The following RIPOR2 variants were observed in gnomAD, a reference collection of about 807,000 sequenced individuals.
The protein encoded by RIPOR2 is rho family-interacting cell polarization regulator 2.
In RIPOR2, 39 loss-of-function variants were observed where a neutral mutation model predicts 114.5. That is an observed-to-expected ratio of 0.34 (90% CI 0.26 to 0.44). RIPOR2 has a LOEUF of 0.44. Ranked by LOEUF, RIPOR2 falls within the 20% of genes least tolerant of loss-of-function variation. RIPOR2 has a pLI of 1.00. For synonymous variants in RIPOR2, 445 were observed against 484.4 expected (o/e 0.92, Z 1.07); for missense variants, 1,007 against 1,255.1 (o/e 0.80, Z 2.99).
chr6:25,028,705 A>C (rs1776747371), intron 1 of RIPOR2, among the ~76,000 whole-genome samples: 1 of 152,272 alleles, frequency 6.6e-6, no homozygotes, highest in Non-Finnish European at 1.5e-5. Context: ...GGGATAGTAC[A>C]GATCCTTCTA....
chr6:24,808,028 A>T (rs530339924), intron 21 of RIPOR2, among the ~76,000 whole-genome samples: 25 of 152,346 alleles, frequency 1.6e-4, no homozygotes, highest in Admixed American at 5.9e-4. Context: ...TCCTTAAAAA[A>T]TCCTGATGCC....
chr6:25,026,780 G>C (rs1451726863), intron 1 of RIPOR2, among the ~76,000 whole-genome samples: 1 of 152,214 alleles, frequency 6.6e-6, no homozygotes, highest in Non-Finnish European at 1.5e-5. Flanking sequence ...GGAAAATCTT[G>C]GGACATATGG....
chr6:24,953,891 CCT>C (rs1772903781), intron 1 of RIPOR2, among the ~76,000 whole-genome samples: 1 of 97,706 alleles, frequency 1.0e-5, no homozygotes, highest in African/African-American at 2.8e-5. Flanking sequence ...TAAAGGCTCC[CCT>C]GTCATGTAAA....
intron 1 of RIPOR2, among the ~76,000 whole-genome samples, chr6:24,923,519 A>G (rs1405095643): frequency 2.6e-5 from 4 of 152,044 alleles, no homozygotes; most frequent in African/African-American, 9.7e-5. Context: ...ACTCTTTTCA[A>G]TAGCAAGATT....
intron 1 of RIPOR2, among the ~76,000 whole-genome samples, chr6:24,927,799 GTAAGT>G (rs1554119957): frequency 1.3e-5 from 2 of 152,180 alleles, no homozygotes; most frequent in Non-Finnish European, 2.9e-5. Context: ...CAAACAACTA[GTAAGT>G]TGAACTAGGT....
chr6:24,954,296 A>G (rs1302088837), intron 1 of RIPOR2, among the ~76,000 whole-genome samples: 10 of 152,100 alleles, frequency 6.6e-5, no homozygotes. Flanking sequence ...CCCTGGCACA[A>G]TTATGATCCT....
intron 1 of RIPOR2, chr6:24,910,815 T>C (rs954159628): frequency 1.0e-6 from 1 of 985,136 alleles, no homozygotes; most frequent in African/African-American, 1.7e-5. Context: ...AAGGTGAACC[T>C]ACCTAACGAC....
intron 6 of RIPOR2, among the ~76,000 whole-genome samples, chr6:24,866,003 A>G (rs190450993): frequency 2.0e-5 from 3 of 152,210 alleles, no homozygotes; most frequent in Non-Finnish European, 4.4e-5. Context: ...TCACAATATT[A>G]GGATTTGTAA....
intron 1 of RIPOR2, among the ~76,000 whole-genome samples, chr6:24,906,377 G>C (rs1388519402): frequency 6.6e-6 from 1 of 152,150 alleles, no homozygotes; most frequent in Non-Finnish European, 1.5e-5. Flanking sequence ...CCATTTACCT[G>C]TAATCTTAGA....
intron 1 of RIPOR2, among the ~76,000 whole-genome samples, chr6:24,913,757 C>T (rs1013265562): frequency 1.3e-5 from 2 of 152,134 alleles, no homozygotes; most frequent in Non-Finnish European, 2.9e-5. Context: ...TAATGCTGTT[C>T]ACTTCCTTTT....
chr6:24,848,092 T>G lies in RIPOR2; in HGVS notation c.1097A>C (p.Gln366Pro), dbSNP rs762773503. ...SGAGNKAAAL[Q>P]RRMSMYSQGT... Reference sequence around the variant, plus strand: ...CTGGCTGTACATGGACATTCTCCTCTGAAGGGCTGCTGCCTTGTTCCCAGC... The same window carrying G: ...CTGGCTGTACATGGACATTCTCCTCGGAAGGGCTGCTGCCTTGTTCCCAGC... Residue 366 changes from glutamine (Q) to proline (P), a missense_variant, in exon 12 of 22, where the codon CAG becomes CCG. Physicochemically the swap from Gln to Pro is moderately conservative, Grantham distance 76 (BLOSUM62 -1). Transcript: ENST00000643898. 1 of 1,613,930 alleles carries G rather than the reference T, an allele frequency of 6.2e-7. No homozygotes were observed. The highest frequency in any genetic ancestry group is 8.5e-7 in the Non-Finnish European group (1 of 1,179,842).
chr6:24,969,239 A>G (rs1427617180), intron 1 of RIPOR2, among the ~76,000 whole-genome samples: 1 of 152,146 alleles, frequency 6.6e-6, no homozygotes, highest in Admixed American at 6.6e-5. Flanking sequence ...GGTGAGAACC[A>G]CCGATTTGGG....
At chr6:24,935,490 C>T (rs1771738758) in intron 1 of RIPOR2, among the ~76,000 whole-genome samples, 1 of 152,148 alleles carries the variant, frequency 6.6e-6, no homozygotes, top group African/African-American at 2.4e-5. Flanking sequence ...CCCTGCTGTG[C>T]TCAAACCACT....
In RIPOR2 at chr6:24,857,937, G is replaced by A. The variant is rs571685669; in HGVS notation, c.715+3036C>T. On this transcript the variant is annotated intron_variant, in intron 8 of 21. Coordinates refer to ENST00000643898, the MANE Select transcript of RIPOR2 (RefSeq NM_001286445.3). The stretch of plus-strand genomic sequence containing the variant: ...AACTAATTCTCCATAGCTCTTCTCC[G>A]AACAATCACGTCAGCCACACCGGTC... 1.1e-4 allele frequency among the ~76,000 whole-genome samples: 17 copies of A among 152,172 alleles called. No individual in the cohort carries two copies. In the South Asian group the frequency reaches 2.7e-3, roughly 24 times the overall value.
chr6:24,820,802 T>C (rs1002261800), intron 19 of RIPOR2, among the ~76,000 whole-genome samples: 4 of 152,118 alleles, frequency 2.6e-5, no homozygotes, highest in Admixed American at 2.6e-4. Context: ...TTTTTGGTTA[T>C]TATGAATAAT....
At chr6:24,980,751 T>C (rs1774252628) in intron 1 of RIPOR2, among the ~76,000 whole-genome samples, 1 of 152,164 alleles carries the variant, frequency 6.6e-6, no homozygotes, top group Non-Finnish European at 1.5e-5. Flanking sequence ...GGTGCTTTGC[T>C]CCACTCCCAT....
At chr6:24,966,009 A>G (rs938419671) in intron 1 of RIPOR2, among the ~76,000 whole-genome samples, 1 of 152,188 alleles carries the variant, frequency 6.6e-6, no homozygotes, top group Non-Finnish European at 1.5e-5. Flanking sequence ...TACAAAACCA[A>G]CTGCAGCAGG....
intron 1 of RIPOR2, among the ~76,000 whole-genome samples, chr6:24,909,288 G>C (rs764988229): frequency 6.6e-6 from 1 of 152,114 alleles, no homozygotes; most frequent in Non-Finnish European, 1.5e-5. Flanking sequence ...CCTACAGAAG[G>C]ATAACTACTG....
At chr6:24,822,968 T>C (rs925589007) in intron 19 of RIPOR2, among the ~76,000 whole-genome samples, 2 of 152,222 alleles carry the variant, frequency 1.3e-5, no homozygotes, top group Non-Finnish European at 2.9e-5. Flanking sequence ...CCTGTCACCA[T>C]GCAGAGGCCA....
Sources: allele counts gnomAD v4.1 joint callset (sites outside exome capture counted in the v4.1 genomes callset), GRCh38; gene constraint gnomAD v4.1.1; transcripts MANE v1.5; gene names NCBI Gene and HGNC (gene_info 2026-07-23, HGNC 2026-07-21).